C2CD5: variants seen among roughly 807,000 people sequenced by gnomAD.
C2CD5 encodes the protein C2 domain-containing protein 5.
C2CD5 carries 109 observed loss-of-function variants against 130.3 expected under a neutral mutation model. The ratio of observed to expected loss-of-function variants is 0.84; its 90% CI spans 0.72 to 0.98. The LOEUF (loss-of-function observed/expected upper bound fraction) is 0.98. Among genes scored for constraint, C2CD5 ranks in the 50% least tolerant of loss-of-function variants. The pLI, the probability that C2CD5 is intolerant of heterozygous loss-of-function variation, is 0.00. For synonymous variants in C2CD5, 454 were observed against 429.2 expected (o/e 1.06, Z -0.71); for missense variants, 996 against 1,261.8 (o/e 0.79, Z 3.19).
At chr12:22,500,542 T>A (rs749672485) in intron 10 of C2CD5, among the ~76,000 whole-genome samples, 1 of 152,180 alleles carries the variant, frequency 6.6e-6, no homozygotes, top group Non-Finnish European at 1.5e-5. Context: ...CTTTAACTCT[T>A]TATCTTGTAT....
intron 2 of C2CD5, among the ~76,000 whole-genome samples, chr12:22,536,749 T>C (rs762418993): frequency 9.2e-5 from 14 of 152,084 alleles, no homozygotes; most frequent in Admixed American, 8.5e-4. Flanking sequence ...GTGTAGGAAA[T>C]AGAGTACAGT....
At chr12:22,479,382 T>C (rs1375952157) in intron 14 of C2CD5, among the ~76,000 whole-genome samples, 1 of 151,490 alleles carries the variant, frequency 6.6e-6, no homozygotes, top group Non-Finnish European at 1.5e-5. Flanking sequence ...ACCTACCTCA[T>C]AATTTAAAAA....
chr12:22,474,975 C>T (rs1408584799), intron 15 of C2CD5, 84 bp from the exon 16 acceptor site: 15 of 853,176 alleles, frequency 1.8e-5, no homozygotes, highest in Non-Finnish European at 2.5e-5. Flanking sequence ...TAGACACCTA[C>T]CTGTGGAGAA....
intron 10 of C2CD5, among the ~76,000 whole-genome samples, chr12:22,502,253 C>T (rs933679253): frequency 2.6e-5 from 4 of 152,072 alleles, no homozygotes; most frequent in Non-Finnish European, 5.9e-5. Flanking sequence ...AATTTTGGAA[C>T]ACTTCTAGAA....
Position 22,474,817 on chromosome 12 carries a change from T to A in C2CD5, c.1977A>T (p.Ser659=), listed in dbSNP as rs370012972. The A allele has an allele frequency of 1.9e-6, 3 of 1,610,410 alleles. No individual in the cohort carries two copies. The highest frequency in any genetic ancestry group is 2.5e-6 in the Non-Finnish European group (3 of 1,177,796). The part of the protein sequence containing the change: ...RQRSRLLRSQ[S]ESSDEVTELD... ...ATTCTGTAACTTCATCCGAGCTTTCTGATTGAGATCTTAGAAGTCTTGAGC... is the reference window on the plus strand; with the variant it reads ...ATTCTGTAACTTCATCCGAGCTTTCAGATTGAGATCTTAGAAGTCTTGAGC... The change falls in exon 16 of 27, where the codon TCA becomes TCT. Residue 659 remains serine (S), a synonymous_variant. Transcript: ENST00000446597.
intron 25 of C2CD5, among the ~76,000 whole-genome samples, chr12:22,454,339 C>T (rs1939341583): frequency 6.6e-6 from 1 of 152,110 alleles, no homozygotes; most frequent in South Asian, 2.1e-4. Flanking sequence ...AATGGCAAGG[C>T]AAGAATTCAA....
chr12:22,470,217 A>G (rs929268119), intron 21 of C2CD5, among the ~76,000 whole-genome samples: 13 of 152,150 alleles, frequency 8.5e-5, no homozygotes, highest in African/African-American at 3.1e-4. Flanking sequence ...TATCAATGCT[A>G]TACATGTAGA....
chr12:22,473,919 A>AAGTGGGGG (rs1253341131), intron 16 of C2CD5, among the ~76,000 whole-genome samples: 2 of 152,048 alleles, frequency 1.3e-5, no homozygotes, highest in African/African-American at 4.8e-5. Flanking sequence ...TGTGGGGAAA[A>AAGTGGGGG]AGTGGGGGGC....
intron 10 of C2CD5, among the ~76,000 whole-genome samples, chr12:22,499,317 A>G (rs1947444811): frequency 6.6e-6 from 1 of 152,174 alleles, no homozygotes. Context: ...ATATCTCATT[A>G]ATTTATAGTT....
intron 5 of C2CD5, among the ~76,000 whole-genome samples, chr12:22,524,869 A>AT (rs1950591388): frequency 6.6e-6 from 1 of 152,206 alleles, no homozygotes; most frequent in East Asian, 1.9e-4. Flanking sequence ...TATAAACTGC[A>AT]TTTGTATAAT....
At chr12:22,537,315 T>A (rs770922440) in intron 2 of C2CD5, among the ~76,000 whole-genome samples, 33 of 152,276 alleles carry the variant, frequency 2.2e-4, no homozygotes, top group Non-Finnish European at 4.1e-4. Flanking sequence ...CTCAAGAAGC[T>A]AAGGCAAGAG....
intron 14 of C2CD5, among the ~76,000 whole-genome samples, chr12:22,481,810 T>G (rs1257102623): frequency 6.8e-6 from 1 of 147,266 alleles, no homozygotes; most frequent in Non-Finnish European, 1.5e-5. Context: ...TTTTTTTTTT[T>G]TTTTTTTTTT....
intron 5 of C2CD5, among the ~76,000 whole-genome samples, chr12:22,525,072 T>C (rs1950608744): frequency 6.6e-6 from 1 of 152,188 alleles, no homozygotes; most frequent in South Asian, 2.1e-4. Context: ...AATCAAACCA[T>C]TACCTTTCTG....
At chr12:22,526,510 G>A (rs908086104) in intron 4 of C2CD5, among the ~76,000 whole-genome samples, 1 of 152,102 alleles carries the variant, frequency 6.6e-6, no homozygotes, top group Non-Finnish European at 1.5e-5. Flanking sequence ...TCTTAACAAT[G>A]CAAGAATCTG....
chr12:22,505,442 T>C (rs1948405123), intron 10 of C2CD5, among the ~76,000 whole-genome samples: 3 of 151,842 alleles, frequency 2.0e-5, no homozygotes, highest in Admixed American at 6.6e-5. Flanking sequence ...TTTTTAGTAT[T>C]TTACAGGCAT....
At position 22,544,304 on chromosome 12, in the gene C2CD5, A is replaced by T. The variant is rs1952736868; in HGVS notation, c.-30+16T>A. 1.8e-6 allele frequency: 1 copy of T among 556,434 alleles called. No homozygotes were observed. Among genetic ancestry groups the T allele is most frequent in the Non-Finnish European group, 3.1e-6 (1 of 326,898 alleles). The allele number at this position is 556,434 out of a possible 1,614,324, so 34.5% of individuals were successfully genotyped here. A position where few individuals can be genotyped will look rare whatever the true frequency, so the allele number is the denominator to read the frequency against. On this transcript the variant is annotated intron_variant, in intron 1 of 26. Coordinates refer to ENST00000446597, the MANE Select transcript of C2CD5 (RefSeq NM_001286176.2). Reference sequence around the variant, plus strand: ...CGCGCGGGCGCCCGGCAGTCGCGCCACGGGTCGCCACTCACTGTCGCAGGA... The same window carrying T: ...CGCGCGGGCGCCCGGCAGTCGCGCCTCGGGTCGCCACTCACTGTCGCAGGA...
At chr12:22,532,602 C>T (rs1951399945) in intron 3 of C2CD5, among the ~76,000 whole-genome samples, 1 of 152,160 alleles carries the variant, frequency 6.6e-6, no homozygotes, top group Non-Finnish European at 1.5e-5. Flanking sequence ...ACAGAATGTG[C>T]CTTCCAACAC....
At chr12:22,521,175 G>T (rs574033997) in intron 7 of C2CD5, among the ~76,000 whole-genome samples, 1 of 152,120 alleles carries the variant, frequency 6.6e-6, no homozygotes, top group African/African-American at 2.4e-5. Context: ...CATAAAATAG[G>T]CTTTGAAATA....
intron 2 of C2CD5, among the ~76,000 whole-genome samples, chr12:22,535,734 T>G (rs745450738): frequency 1.3e-5 from 2 of 152,302 alleles, no homozygotes; most frequent in South Asian, 4.1e-4. Context: ...TCATTCATAC[T>G]AAGAGAAATG....
Sources: allele counts gnomAD v4.1 joint callset (sites outside exome capture counted in the v4.1 genomes callset), GRCh38; gene constraint gnomAD v4.1.1; transcripts MANE v1.5; gene names NCBI Gene and HGNC (gene_info 2026-07-23, HGNC 2026-07-21).